KLHL13: variants seen among roughly 807,000 people sequenced by gnomAD.
KLHL13 encodes the protein kelch like family member 13, also known as kelch-like protein 13.
KLHL13 carries 10 observed loss-of-function variants against 37.1 expected under a neutral mutation model. The observed-to-expected ratio is 0.27, with a 90% confidence interval of 0.17 to 0.46. The LOEUF is 0.46. Among genes scored for constraint, KLHL13 ranks in the 20% least tolerant of loss-of-function variants. KLHL13 has a pLI of 1.00. For synonymous variants in KLHL13, 163 were observed against 181.2 expected (o/e 0.90, Z 0.81); for missense variants, 360 against 509.3 (o/e 0.71, Z 2.82).
At chrX:118,066,898 T>G (rs957860960) in intron 1 of KLHL13, among the ~76,000 whole-genome samples, 3 of 111,951 alleles carry the variant, frequency 2.7e-5, no homozygotes, top group Non-Finnish European at 5.6e-5. Flanking sequence ...CATTAGTCAT[T>G]AAGGTACGTG....
At chrX:117,927,214 GAGA>G (rs1444949646) in intron 2 of KLHL13, among the ~76,000 whole-genome samples, 10 of 111,196 alleles carry the variant, frequency 9.0e-5, no homozygotes, top group African/African-American at 2.6e-4. Context: ...CTTTCTTAAA[GAGA>G]AGAAGATTCT....
At chrX:117,918,157 T>C (rs1021278907) in intron 4 of KLHL13, among the ~76,000 whole-genome samples, 2 of 111,586 alleles carry the variant, frequency 1.8e-5, no homozygotes, top group African/African-American at 6.5e-5. Context: ...ACAATACAAG[T>C]CAACAATATA....
chrX:117,925,854 TTTG>T (rs1327795253), intron 2 of KLHL13, among the ~76,000 whole-genome samples: 1 of 111,399 alleles, frequency 9.0e-6, no homozygotes, highest in Admixed American at 9.5e-5. Context: ...TTAGACCTCC[TTTG>T]TTGTTGTTGT....
intron 1 of KLHL13, among the ~76,000 whole-genome samples, chrX:118,003,000 C>T (rs1437732192): frequency 8.9e-6 from 1 of 112,007 alleles, no homozygotes; most frequent in Non-Finnish European, 1.9e-5. Flanking sequence ...GAATGTGGCA[C>T]ACTTGGCGAA....
At chrX:117,945,869 T>C in intron 1 of KLHL13, 1 of 184,571 alleles carries the variant, frequency 5.4e-6, no homozygotes, top group Non-Finnish European at 1.0e-5. Context: ...TGTTGATATG[T>C]TACTATTTAG....
intron 1 of KLHL13, among the ~76,000 whole-genome samples, chrX:118,057,447 G>C: frequency 8.9e-6 from 1 of 112,347 alleles, no homozygotes; most frequent in East Asian, 2.8e-4. Context: ...TTTTAGACAT[G>C]ACACCAAAAG....
intron 5 of KLHL13, among the ~76,000 whole-genome samples, chrX:117,906,457 A>G (rs1456910361): frequency 1.8e-5 from 2 of 111,461 alleles, no homozygotes; most frequent in African/African-American, 6.5e-5. Flanking sequence ...CCTCCGTAAT[A>G]CAGGATGTGA....
chrX:117,944,895 A>T (rs1352490453), intron 2 of KLHL13, among the ~76,000 whole-genome samples: 1 of 111,629 alleles, frequency 9.0e-6, no homozygotes, highest in Non-Finnish European at 1.9e-5. Flanking sequence ...TATTACATGT[A>T]TCAGAGGGTT....
exon 7 of KLHL13, chrX:117,899,355 G>A (rs1272493790): frequency 8.3e-7 from 1 of 1,204,602 alleles, no homozygotes; most frequent in African/African-American, 1.8e-5. Flanking sequence ...CAGGGTCAAA[G>A]CACATGAGCT....
At chrX:117,905,612 G>A (rs1219774250) in intron 5 of KLHL13, among the ~76,000 whole-genome samples, 3 of 111,022 alleles carry the variant, frequency 2.7e-5, no homozygotes, top group Non-Finnish European at 5.7e-5. Context: ...AAGGCCTAAT[G>A]CATTAAAGTG....
upstream of KLHL13, among the ~76,000 whole-genome samples, chrX:117,978,653 C>G (rs187681464): frequency 1.5e-3 from 167 of 110,804 alleles, 2 homozygotes; most frequent in African/African-American, 5.3e-3. Flanking sequence ...GTTGGGGACC[C>G]GATGATCCAC....
intron 1 of KLHL13, among the ~76,000 whole-genome samples, chrX:118,033,527 G>C (rs981683176): frequency 2.7e-5 from 3 of 110,507 alleles, no homozygotes; most frequent in Admixed American, 1.9e-4. Flanking sequence ...ATACTTTACA[G>C]ACAAGCAAAT....
At chrX:117,908,876 TA>T (rs1336724617) in intron 5 of KLHL13, among the ~76,000 whole-genome samples, 6 of 112,496 alleles carry the variant, frequency 5.3e-5, no homozygotes, top group Middle Eastern at 4.6e-3. Context: ...ACATATTTTG[TA>T]AAAGAAGAAA....
rs185952395 is a variant in KLHL13, at chrX:117,935,453, C to T, written c.240+9981G>A. Among the ~76,000 whole-genome samples, 172 of 111,958 alleles carry T rather than the reference C, an allele frequency of 1.5e-3. 2 individuals are homozygous for T. The highest frequency in any genetic ancestry group is 5.4e-3 in the African/African-American group (167 of 30,894). On this transcript the variant is annotated intron_variant, in intron 2 of 6. Coordinates refer to ENST00000262820, the Ensembl canonical transcript of KLHL13. The stretch of plus-strand genomic sequence containing the variant: ...AAAGATAAATGGTTGCTGTATTAAT[C>T]CATTCTCACACTGCTATAAAGAAAT...
intron 1 of KLHL13, among the ~76,000 whole-genome samples, chrX:118,089,604 GAGAGAGAGAAAGAAAGAGAA>G (rs1198865292): frequency 3.3e-5 from 2 of 61,507 alleles, no homozygotes; most frequent in African/African-American, 1.5e-4. Flanking sequence ...GAGAGAGAGA[GAGAGAGAGAAAGAAAGAGAA>G]AGAAAGAAAG....
intron 1 of KLHL13, among the ~76,000 whole-genome samples, chrX:117,953,366 G>C (rs1173569016): frequency 1.8e-5 from 2 of 109,854 alleles, no homozygotes; most frequent in African/African-American, 6.6e-5. Flanking sequence ...AGAAAACATG[G>C]ACACAAGAAG....
chrX:118,033,136 G>T (rs866522319), intron 1 of KLHL13, among the ~76,000 whole-genome samples: 1 of 111,289 alleles, frequency 9.0e-6, no homozygotes. Flanking sequence ...GAAAGTGAGG[G>T]GGGGGAATGG....
At chrX:117,968,135 G>A (rs889400371) in intron 1 of KLHL13, among the ~76,000 whole-genome samples, 2 of 109,518 alleles carry the variant, frequency 1.8e-5, no homozygotes, top group African/African-American at 6.6e-5. Flanking sequence ...TGTCACATGA[G>A]AAGACGCCTA....
chrX:117,972,524 A>G (rs1353942438), intron 1 of KLHL13, among the ~76,000 whole-genome samples: 2 of 112,948 alleles, frequency 1.8e-5, no homozygotes, highest in African/African-American at 3.2e-5. Flanking sequence ...GATTACCATT[A>G]AACACTTTAA....
Sources: gnomAD v4.1 joint callset for allele counts (sites outside exome capture counted in the v4.1 genomes callset) on GRCh38, gnomAD v4.1.1 for gene constraint, MANE v1.5 for transcripts, NCBI Gene and HGNC (gene_info 2026-07-23, HGNC 2026-07-21) for gene names.